Variants in CLSTN2 observed in about 807,000 individuals in gnomAD.
The protein encoded by CLSTN2 is calsyntenin-2.
CLSTN2 carries 48 observed loss-of-function variants against 101.2 expected under a neutral mutation model. The ratio of observed to expected loss-of-function variants is 0.47; its 90% CI spans 0.38 to 0.60. CLSTN2 has a LOEUF of 0.60. Ranked by LOEUF, CLSTN2 falls within the 20% of genes least tolerant of loss-of-function variation. The probability of loss-of-function intolerance (pLI) is 0.00; values close to 1 mark genes in which losing one functional copy is unlikely to be tolerated. For missense variants in CLSTN2, 1,160 were observed against 1,238.2 expected, an observed-to-expected ratio of 0.94 and a Z score of 0.95; for synonymous variants, 481 against 463.6, an observed-to-expected ratio of 1.04 and a Z score of -0.48.
At chr3:140,299,300 T>C (rs766125944) in intron 2 of CLSTN2, among the ~76,000 whole-genome samples, 13 of 152,238 alleles carry the variant, frequency 8.5e-5, no homozygotes, top group Non-Finnish European at 1.8e-4. Flanking sequence ...TCCCAGCCGT[T>C]GTCCTTAACC....
At chr3:139,998,206 T>C (rs2006724106) in intron 1 of CLSTN2, among the ~76,000 whole-genome samples, 1 of 152,080 alleles carries the variant, frequency 6.6e-6, no homozygotes, top group African/African-American at 2.4e-5. Flanking sequence ...CAAGCCTTCC[T>C]GAGCTCAGGA....
At chr3:140,427,216 T>TATACAC (rs1378550083) in intron 5 of CLSTN2, among the ~76,000 whole-genome samples, 1,953 of 79,254 alleles carry the variant, frequency 0.025, 214 homozygotes, top group African/African-American at 0.14. Flanking sequence ...TGTATATATA[T>TATACAC]ATATATATGT....
chr3:139,939,048 G>A (rs1935078642), intron 1 of CLSTN2, among the ~76,000 whole-genome samples: 2 of 152,110 alleles, frequency 1.3e-5, no homozygotes, highest in Non-Finnish European at 2.9e-5. Flanking sequence ...GAGAGTGGCA[G>A]CGGAGAGAAT....
At chr3:140,480,915 T>C (rs1452405185) in intron 8 of CLSTN2, among the ~76,000 whole-genome samples, 2 of 152,228 alleles carry the variant, frequency 1.3e-5, no homozygotes, top group Non-Finnish European at 2.9e-5. Context: ...ACTCTGATGA[T>C]AGTTTCTTTT....
At chr3:140,560,109 C>T (rs111645630) in intron 12 of CLSTN2, among the ~76,000 whole-genome samples, 3,668 of 152,276 alleles carry the variant, frequency 0.024, 157 homozygotes, top group African/African-American at 0.084. Context: ...GTTCACATTT[C>T]GTCTTCTGTT....
chr3:140,135,111 CACACACATATATATATATATAT>C (rs1170780660), intron 1 of CLSTN2, among the ~76,000 whole-genome samples: 38 of 52,110 alleles, frequency 7.3e-4, no homozygotes, highest in African/African-American at 4.5e-3. Flanking sequence ...CACACACACA[CACACACATATATATATATATAT>C]ATATATATAT....
chr3:140,051,424 C>T (rs143515705), intron 1 of CLSTN2, among the ~76,000 whole-genome samples: 147 of 152,330 alleles, frequency 9.7e-4, no homozygotes, highest in African/African-American at 3.4e-3. Flanking sequence ...GTTCCATCCT[C>T]AGCATGGTCG....
chr3:140,523,032 G>T (rs1439050375), intron 8 of CLSTN2, among the ~76,000 whole-genome samples: 1 of 152,124 alleles, frequency 6.6e-6, no homozygotes, highest in East Asian at 1.9e-4. Context: ...GTTTGTCTTT[G>T]CTCAGTGCCC....
At chr3:140,215,314 T>G (rs1028603771) in intron 2 of CLSTN2, among the ~76,000 whole-genome samples, 2 of 152,182 alleles carry the variant, frequency 1.3e-5, no homozygotes, top group Non-Finnish European at 2.9e-5. Context: ...CACCTATCCC[T>G]GGGCCTAATG....
At chr3:140,056,872 A>G (rs2008106664) in intron 1 of CLSTN2, among the ~76,000 whole-genome samples, 1 of 152,212 alleles carries the variant, frequency 6.6e-6, no homozygotes, top group Non-Finnish European at 1.5e-5. Flanking sequence ...CTATCATTTT[A>G]TGGATACTGA....
At chr3:140,227,881 G>A (rs1440767582) in intron 2 of CLSTN2, among the ~76,000 whole-genome samples, 1 of 152,160 alleles carries the variant, frequency 6.6e-6, no homozygotes, top group Admixed American at 6.5e-5. Flanking sequence ...TGGGACACAG[G>A]ACACCAAGTC....
chr3:140,333,087 A>G lies in CLSTN2; in HGVS notation c.233-70542A>G, dbSNP rs146859917. On this transcript the variant is annotated intron_variant, in intron 2 of 16. Coordinates refer to ENST00000458420, the MANE Select transcript of CLSTN2 (RefSeq NM_022131.3). ...CTGGCCCAGAGCTTGACTGAGTAGG[A>G]CCCCAGGTGGAGCTCACCGAATGTT... 1.9e-3 allele frequency among the ~76,000 whole-genome samples: 294 copies of G among 152,128 alleles called. 5 individuals are homozygous for G. The highest frequency in any genetic ancestry group is 6.6e-3 in the African/African-American group (274 of 41,506).
At chr3:140,555,811 A>G (rs995606332) in intron 10 of CLSTN2, among the ~76,000 whole-genome samples, 8 of 152,220 alleles carry the variant, frequency 5.3e-5, no homozygotes, top group African/African-American at 1.9e-4. Context: ...ATCTATGTCC[A>G]GCTTGAGTAC....
intron 2 of CLSTN2, among the ~76,000 whole-genome samples, chr3:140,377,784 G>A (rs1475205768): frequency 6.6e-6 from 1 of 152,120 alleles, no homozygotes; most frequent in Non-Finnish European, 1.5e-5. Flanking sequence ...AGAAAAATAT[G>A]TTTAGCACAT....
rs542447482 is a variant in CLSTN2 at position 139,995,040 on chromosome 3, G to A, written c.109+59557G>A. 4.1e-4 allele frequency among the ~76,000 whole-genome samples: 63 copies of A among 152,326 alleles called. 1 individual carries two copies. Among genetic ancestry groups the A allele is most frequent in the African/African-American group, 1.5e-3 (63 of 41,566 alleles). ...CTCTCTGACATTTGCTGGGGCACCT[G>A]TTCTGAGTTGTGGCTCTGGCTCGGA... On this transcript the variant is annotated intron_variant, in intron 1 of 16. Transcript: ENST00000458420.
intron 2 of CLSTN2, among the ~76,000 whole-genome samples, chr3:140,257,560 GGGTGTGTGTGTGT>G (rs1559821162): frequency 8.8e-6 from 1 of 114,268 alleles, no homozygotes; most frequent in Non-Finnish European, 1.7e-5. Flanking sequence ...TTCTTTCTAG[GGGTGTGTGTGTGT>G]GTGTGTGTGT....
At chr3:140,043,171 C>A in intron 1 of CLSTN2, among the ~76,000 whole-genome samples, 1 of 152,160 alleles carries the variant, frequency 6.6e-6, no homozygotes, top group East Asian at 1.9e-4. Flanking sequence ...TTCTCCACAT[C>A]CTCTCCAGCA....
chr3:140,247,234 A>T (rs2086525982), intron 2 of CLSTN2, among the ~76,000 whole-genome samples: 1 of 152,166 alleles, frequency 6.6e-6, no homozygotes, highest in Admixed American at 6.5e-5. Flanking sequence ...TTGTGGTTAT[A>T]CTGAGAGCCC....
chr3:140,401,756 A>G (rs1388759495), intron 2 of CLSTN2, among the ~76,000 whole-genome samples: 1 of 152,256 alleles, frequency 6.6e-6, no homozygotes, highest in Non-Finnish European at 1.5e-5. Flanking sequence ...ATTGGCATTG[A>G]TCTTGGGAGA....
Sources: allele counts gnomAD v4.1 joint callset (sites outside exome capture counted in the v4.1 genomes callset), GRCh38; gene constraint gnomAD v4.1.1; transcripts MANE v1.5; gene names NCBI Gene and HGNC (gene_info 2026-07-23, HGNC 2026-07-21).